SYNE2: variants seen among roughly 807,000 people sequenced by gnomAD.
SYNE2 encodes nesprin-2.
SYNE2 carries 431 observed loss-of-function variants against 856.3 expected under a neutral mutation model. The observed-to-expected ratio is 0.50, with a 90% CI of 0.47 to 0.55. The LOEUF is 0.55. Ranked by LOEUF, SYNE2 falls within the 20% of genes least tolerant of loss-of-function variation. SYNE2 has a pLI of 0.00. For synonymous variants in SYNE2, 2,923 were observed against 2,872.3 expected (o/e 1.02, Z -0.56); for missense variants, 8,129 against 8,023.2 (o/e 1.01, Z -0.50).
chr14:63,780,313 G>A (rs749873516), intron 1 of SYNE2, among the ~76,000 whole-genome samples: 1 of 151,788 alleles, frequency 6.6e-6, no homozygotes, highest in African/African-American at 2.4e-5. Context: ...GCGGGCAGAC[G>A]ATTTGAGGTC....
intron 20 of SYNE2, 48 bp from the exon 21 acceptor site, chr14:63,990,894 A>G: frequency 6.7e-7 from 1 of 1,494,306 alleles, no homozygotes; most frequent in Middle Eastern, 1.8e-4. Context: ...TTAAGAATTT[A>G]TTAAGAATTG....
intron 57 of SYNE2, among the ~76,000 whole-genome samples, chr14:64,086,644 T>C (rs1310311939): frequency 2.0e-5 from 3 of 151,978 alleles, no homozygotes; most frequent in African/African-American, 7.2e-5. Context: ...TATATCTCTT[T>C]ATTTCTCTAG....
chr14:63,930,584 A>G (rs2095739017), intron 2 of SYNE2, among the ~76,000 whole-genome samples: 1 of 146,120 alleles, frequency 6.8e-6, no homozygotes, highest in African/African-American at 2.6e-5. Flanking sequence ...CCCAGGCTGG[A>G]GCGTAGTGGT....
intron 8 of SYNE2, among the ~76,000 whole-genome samples, chr14:63,959,383 C>A (rs2096281358): frequency 7.1e-6 from 1 of 141,404 alleles, no homozygotes; most frequent in Non-Finnish European, 1.5e-5. Context: ...CTGCAACCTT[C>A]GCTTCCTGGG....
chr14:63,808,915 C>T (rs552844297), intron 1 of SYNE2, among the ~76,000 whole-genome samples: 8 of 152,168 alleles, frequency 5.3e-5, no homozygotes, highest in East Asian at 3.9e-4. Flanking sequence ...CCCAGCTTCT[C>T]GGGAGGCTGA....
At chr14:63,948,782 G>GAT (rs1555393726) in intron 6 of SYNE2, among the ~76,000 whole-genome samples, 1 of 43,906 alleles carries the variant, frequency 2.3e-5, no homozygotes, top group Non-Finnish European at 4.5e-5. Context: ...ATGTGTGTGT[G>GAT]TATATATATA....
intron 57 of SYNE2, among the ~76,000 whole-genome samples, chr14:64,086,562 A>G (rs1346105360): frequency 1.3e-5 from 2 of 152,178 alleles, no homozygotes; most frequent in Non-Finnish European, 2.9e-5. Context: ...GTGGGATTGC[A>G]TTAGATTTGT....
chr14:63,985,433 C>T (rs1788692302), intron 18 of SYNE2, among the ~76,000 whole-genome samples: 1 of 151,378 alleles, frequency 6.6e-6, no homozygotes, highest in African/African-American at 2.4e-5. Flanking sequence ...TCATGTAAAG[C>T]TATAGTATGT....
chr14:63,983,051 A>C (rs1459151911), intron 17 of SYNE2, among the ~76,000 whole-genome samples: 1 of 152,190 alleles, frequency 6.6e-6, no homozygotes, highest in Non-Finnish European at 1.5e-5. Context: ...TATTCTGGAC[A>C]TTTCACATAA....
intron 14 of SYNE2, 54 bp from the exon 15 acceptor site, chr14:63,980,600 T>G: frequency 7.9e-7 from 1 of 1,259,670 alleles, no homozygotes. Context: ...TCTGGATTTC[T>G]TGGCACAATT....
chr14:63,858,423 A>T (rs954175130), intron 1 of SYNE2, among the ~76,000 whole-genome samples: 5 of 142,182 alleles, frequency 3.5e-5, no homozygotes, highest in Admixed American at 1.4e-4. Flanking sequence ...CACCCAGCCT[A>T]TTTTTTTTTT....
chr14:63,905,148 A>G (rs1043822430), intron 1 of SYNE2, among the ~76,000 whole-genome samples: 2 of 151,866 alleles, frequency 1.3e-5, no homozygotes, highest in Non-Finnish European at 1.5e-5. Flanking sequence ...TGAGTTTTCT[A>G]TTTTGTTCTA....
At chr14:64,192,496 G>A (rs1412867329) in intron 99 of SYNE2, among the ~76,000 whole-genome samples, 2 of 152,138 alleles carry the variant, frequency 1.3e-5, no homozygotes, top group Admixed American at 1.3e-4. Flanking sequence ...CAACCTTTTG[G>A]TGGGAAAGAG....
intron 12 of SYNE2, among the ~76,000 whole-genome samples, chr14:63,977,236 A>G (rs1293268028): frequency 6.6e-6 from 1 of 152,040 alleles, no homozygotes; most frequent in Non-Finnish European, 1.5e-5. Context: ...TTTTTGAGAC[A>G]GAGTCTTGCT....
chr14:63,875,438 A>G (rs966572621), intron 1 of SYNE2, among the ~76,000 whole-genome samples: 2 of 152,208 alleles, frequency 1.3e-5, no homozygotes, highest in African/African-American at 2.4e-5. Flanking sequence ...AAGATTCACA[A>G]TAACAATGAC....
At chr14:64,095,865 G>A (rs566817032) in intron 61 of SYNE2, among the ~76,000 whole-genome samples, 4 of 152,148 alleles carry the variant, frequency 2.6e-5, no homozygotes, top group Non-Finnish European at 4.4e-5. Context: ...GCAGTATCGG[G>A]AGGTGTGGCC....
intron 45 of SYNE2, among the ~76,000 whole-genome samples, chr14:64,037,885 C>CG (rs1237317765): frequency 6.7e-6 from 1 of 148,268 alleles, no homozygotes; most frequent in Non-Finnish European, 1.5e-5. Flanking sequence ...GCTGGCCGGG[C>CG]GGGGGGCTGA....
chr14:63,934,224 C>G (rs1372002008), intron 2 of SYNE2, among the ~76,000 whole-genome samples: 2 of 152,146 alleles, frequency 1.3e-5, no homozygotes, highest in Admixed American at 6.5e-5. Context: ...TGCACTGTCT[C>G]CTTTGCTAAC....
intron 82 of SYNE2, among the ~76,000 whole-genome samples, chr14:64,142,355 C>T (rs2098145271): frequency 6.6e-6 from 1 of 152,104 alleles, no homozygotes; most frequent in African/African-American, 2.4e-5. Context: ...CATCCCACCA[C>T]CCCCAATAAC....
Sources: gnomAD v4.1 joint callset for allele counts (sites outside exome capture counted in the v4.1 genomes callset) on GRCh38, gnomAD v4.1.1 for gene constraint, MANE v1.5 for transcripts, NCBI Gene and HGNC (gene_info 2026-07-23, HGNC 2026-07-21) for gene names.